The following UHRF2 variants were observed in gnomAD, a reference collection of about 807,000 sequenced individuals.
The protein encoded by UHRF2 is ubiquitin like with PHD and ring finger domains 2, also known as E3 ubiquitin-protein ligase UHRF2.
In UHRF2, 23 loss-of-function variants were observed where a neutral mutation model predicts 96.8. The observed-to-expected ratio is 0.24, with a 90% CI of 0.17 to 0.34. The LOEUF (loss-of-function observed/expected upper bound fraction) is 0.34, where lower values mean the gene tolerates loss of function less well. Among genes scored for constraint, UHRF2 ranks in the 10% least tolerant of loss-of-function variants. UHRF2 has a pLI of 1.00. For missense variants in UHRF2, 685 were observed against 981.5 expected (o/e 0.70, Z 4.04); for synonymous variants, 385 against 332.6 (o/e 1.16, Z -1.72).
chr9:6,498,217 C>G, intron 12 of UHRF2, 59 bp downstream of exon 12: 2 of 1,557,706 alleles, frequency 1.3e-6, no homozygotes, highest in Admixed American at 1.8e-5. Context: ...CCTCTTCTAT[C>G]TACATGCCTT....
chr9:6,476,664 G>A (rs1321889381), intron 5 of UHRF2, among the ~76,000 whole-genome samples: 4 of 151,860 alleles, frequency 2.6e-5, no homozygotes, highest in South Asian at 2.1e-4. Context: ...GCGCAATCTC[G>A]GCTCACTGCA....
At position 6,457,581 on chromosome 9, in the gene UHRF2, T is replaced by G. The variant is rs1822258326; in HGVS notation, c.645-2992T>G. 2.0e-5 allele frequency among the ~76,000 whole-genome samples: 3 copies of G among 152,340 alleles called. No individual in the cohort carries two copies. In the South Asian group the frequency reaches 6.2e-4, roughly 32 times the overall value. On this transcript the variant is annotated intron_variant, in intron 3 of 15. Transcript: ENST00000276893. ...GGTGAGAGAGGCCATCCCTGTCTTG[T>G]GCCAGTTTTCCAAGGGAATTCTTCC...
chr9:6,430,426 C>A (rs1820502936), intron 2 of UHRF2, among the ~76,000 whole-genome samples: 2 of 152,110 alleles, frequency 1.3e-5, no homozygotes, highest in African/African-American at 4.8e-5. Context: ...CCATATTAAT[C>A]TTTTAAAAAT....
Position 6,481,637 on chromosome 9 carries a change from T to G in UHRF2, c.1161-6T>G, listed in dbSNP as rs1823935607. The G allele has an allele frequency of 6.2e-7, 1 of 1,608,442 alleles. No individual in the cohort carries two copies. Among genetic ancestry groups the G allele is most frequent in the Non-Finnish European group, 8.5e-7 (1 of 1,178,434 alleles). On this transcript the variant is annotated splice_region_variant and splice_polypyrimidine_tract_variant and intron_variant, in intron 6 of 15. Coordinates refer to ENST00000276893, the MANE Select transcript of UHRF2 (RefSeq NM_152896.3). ...AAATGCCTTCGTTCTTTTTTTTCTT[T>G]TAAAGGTATTGTCCTTCTTGTAAAA...
chr9:6,449,331 T>C (rs1821711179), intron 3 of UHRF2: 1 of 152,234 alleles, frequency 6.6e-6, no homozygotes, highest in South Asian at 2.1e-4. Flanking sequence ...ATTTCACACC[T>C]GAGCTTACCA....
intron 6 of UHRF2, among the ~76,000 whole-genome samples, chr9:6,481,119 A>T (rs1388480552): frequency 6.6e-6 from 1 of 152,204 alleles, no homozygotes; most frequent in East Asian, 1.9e-4. Flanking sequence ...AATCAATTAC[A>T]AATAGGCTAA....
intron 4 of UHRF2, among the ~76,000 whole-genome samples, chr9:6,470,233 C>T (rs532434939): frequency 1.3e-5 from 2 of 151,988 alleles, no homozygotes; most frequent in Admixed American, 6.6e-5. Context: ...TTTAGCCATA[C>T]GTGGTAGTGC....
intron 4 of UHRF2, chr9:6,468,545 G>C (rs1265007590): frequency 2.2e-5 from 10 of 455,944 alleles, no homozygotes; most frequent in Non-Finnish European, 4.4e-5. Context: ...TGCTAATTCT[G>C]GATGCAGTGT....
intron 14 of UHRF2, chr9:6,504,244 G>A (rs867659052): frequency 1.8e-5 from 3 of 162,932 alleles, no homozygotes; most frequent in Non-Finnish European, 4.0e-5. Context: ...CCAGGATGGT[G>A]TCGATCTCCT....
At position 6,497,189 on chromosome 9, in the gene UHRF2, G is replaced by GC; in HGVS notation, c.1605-9_1605-8insC. 1 of 1,611,458 alleles carries GC rather than the reference G, an allele frequency of 6.2e-7. No homozygotes were observed. The highest frequency in any genetic ancestry group is 8.5e-7 in the Non-Finnish European group (1 of 1,178,982). On this transcript the variant is annotated splice_polypyrimidine_tract_variant and intron_variant, in intron 10 of 15. Coordinates refer to ENST00000276893, the MANE Select transcript of UHRF2 (RefSeq NM_152896.3). ...TACATGGTATAAAGACTTCTTTGTT[G>GC]TTTTTTAGGGCATTGGCCCTAAACT...
At chr9:6,472,565 A>G (rs1201307846) in intron 4 of UHRF2, among the ~76,000 whole-genome samples, 1 of 152,254 alleles carries the variant, frequency 6.6e-6, no homozygotes, top group Non-Finnish European at 1.5e-5. Flanking sequence ...CAGACAATCA[A>G]GATGACTGAA....
At chr9:6,487,852 A>G (rs957300906) in intron 9 of UHRF2, among the ~76,000 whole-genome samples, 19 of 152,360 alleles carry the variant, frequency 1.2e-4, no homozygotes, top group African/African-American at 4.3e-4. Context: ...CTTTTAAAAA[A>G]TAAAAACTGG....
intron 8 of UHRF2, among the ~76,000 whole-genome samples, chr9:6,482,813 G>A (rs1414003794): frequency 6.6e-6 from 1 of 152,116 alleles, no homozygotes; most frequent in Non-Finnish European, 1.5e-5. Context: ...AGCCAGGATG[G>A]TCTCGATCTC....
chr9:6,502,189 C>A (rs553420269), intron 14 of UHRF2, among the ~76,000 whole-genome samples: 1 of 152,272 alleles, frequency 6.6e-6, no homozygotes, highest in East Asian at 1.9e-4. Context: ...CTTCCAAAGG[C>A]CCTGTGATCA....
At chr9:6,445,998 T>TTTTTTC in intron 3 of UHRF2, among the ~76,000 whole-genome samples, 1 of 129,952 alleles carries the variant, frequency 7.7e-6, no homozygotes, top group East Asian at 2.6e-4. Flanking sequence ...TTTTTTTTTT[T>TTTTTTC]TTCCTGTTTT....
intron 9 of UHRF2, among the ~76,000 whole-genome samples, chr9:6,487,965 A>T (rs1037815617): frequency 4.7e-4 from 72 of 152,042 alleles, no homozygotes; most frequent in Non-Finnish European, 7.4e-4. Context: ...AGAGGGCCGA[A>T]TCCAGTGGCT....
At chr9:6,500,778 T>G in intron 14 of UHRF2, 69 bp downstream of exon 14, 1 of 1,451,340 alleles carries the variant, frequency 6.9e-7, no homozygotes. Flanking sequence ...TCTCATGAAG[T>G]CTGTTTTTCA....
intron 3 of UHRF2, among the ~76,000 whole-genome samples, chr9:6,445,509 C>T (rs772200757): frequency 1.6e-4 from 24 of 152,174 alleles, no homozygotes; most frequent in Non-Finnish European, 2.5e-4. Context: ...GATCCACCTG[C>T]CTCGGCCTCC....
At chr9:6,444,440 C>T (rs1821366398) in intron 3 of UHRF2, among the ~76,000 whole-genome samples, 1 of 152,192 alleles carries the variant, frequency 6.6e-6, no homozygotes, top group Non-Finnish European at 1.5e-5. Flanking sequence ...GTTGATTTCA[C>T]CTCTTCAAAC....
Sources: allele counts gnomAD v4.1 joint callset (sites outside exome capture counted in the v4.1 genomes callset), GRCh38; gene constraint gnomAD v4.1.1; transcripts MANE v1.5; gene names NCBI Gene and HGNC (gene_info 2026-07-23, HGNC 2026-07-21).